RANBP2: variants seen among roughly 807,000 people sequenced by gnomAD.
RANBP2 encodes the protein RAN binding protein 2, also known as E3 SUMO-protein ligase RanBP2.
RANBP2 carries 57 observed loss-of-function variants against 303.6 expected under a neutral mutation model. The observed-to-expected ratio is 0.19, with a 90% confidence interval of 0.15 to 0.23. The LOEUF is 0.23. Ranked by LOEUF, RANBP2 falls within the 10% of genes least tolerant of loss-of-function variation. The pLI, the probability that RANBP2 is intolerant of heterozygous loss-of-function variation, is 1.00. For synonymous variants in RANBP2, 1,167 were observed against 1,301.5 expected, an observed-to-expected ratio of 0.90 and a Z score of 2.23; for missense variants, 3,138 against 3,780.8, an observed-to-expected ratio of 0.83 and a Z score of 4.46.
the RANBP2 span, among the ~76,000 whole-genome samples, chr2:109,584,321 CA>C: frequency 6.6e-6 from 1 of 150,846 alleles, no homozygotes; most frequent in Non-Finnish European, 1.5e-5. Flanking sequence ...ACTAAAAACA[CA>C]AAAAAAATTA....
the RANBP2 span, among the ~76,000 whole-genome samples, chr2:109,008,830 C>T: frequency 6.6e-6 from 1 of 150,578 alleles, no homozygotes; most frequent in African/African-American, 2.4e-5. Context: ...ACCCAGGAGA[C>T]GGAGCTTGCA....
chr2:109,371,948 T>A, the RANBP2 span, among the ~76,000 whole-genome samples: 1 of 152,152 alleles, frequency 6.6e-6, no homozygotes, highest in Non-Finnish European at 1.5e-5. Flanking sequence ...AGGGCCCCCT[T>A]GTGCACCTTC....
chr2:109,489,807 A>G, the RANBP2 span, among the ~76,000 whole-genome samples: 2 of 152,144 alleles, frequency 1.3e-5, no homozygotes, highest in African/African-American at 2.4e-5. Flanking sequence ...GCGCAATCTC[A>G]GCTCACTGCA....
At chr2:108,828,819 A>G in the RANBP2 span, among the ~76,000 whole-genome samples, 1 of 152,132 alleles carries the variant, frequency 6.6e-6, no homozygotes, top group Non-Finnish European at 1.5e-5. Context: ...TGTACTAAAA[A>G]TACCAAAAAT....
the RANBP2 span, among the ~76,000 whole-genome samples, chr2:109,034,380 G>A: frequency 2.0e-5 from 3 of 151,536 alleles, no homozygotes; most frequent in African/African-American, 7.3e-5. Context: ...GTCAATTTCA[G>A]TGGGAGGCCC....
intron 9 of RANBP2, among the ~76,000 whole-genome samples, chr2:108,749,839 C>T (rs1675715086): frequency 6.6e-6 from 1 of 152,150 alleles, no homozygotes; most frequent in African/African-American, 2.4e-5. Flanking sequence ...AGTGATCCTC[C>T]TACCTAAGCC....
Position 108,762,101 on chromosome 2 carries a change from T to G in RANBP2, c.2603T>G (p.Val868Gly). 6.3e-7 allele frequency: 1 copy of G among 1,596,770 alleles called. No individual in the cohort carries two copies. Among genetic ancestry groups the G allele is most frequent in the South Asian group, 1.1e-5 (1 of 90,930 alleles). ...SQTFHGAPLT[V>G]ATTGPSVYYS... is the part of the protein sequence containing the mutation. ...CTTTATTTTCTTTTTGTTTTTTTAG[T>G]TGCAACTACTGGCCCTTCAGTATAT... Residue 868 changes from valine (V) to glycine (G), a missense_variant and splice_region_variant, in exon 19 of 29, where the codon GTT (valine) becomes GGT (glycine). Val to Gly is a moderately radical substitution (Grantham distance 109). Coordinates refer to ENST00000283195, the MANE Select transcript of RANBP2 (RefSeq NM_006267.5).
the RANBP2 span, among the ~76,000 whole-genome samples, chr2:109,687,650 C>A: frequency 6.6e-6 from 1 of 152,194 alleles, no homozygotes; most frequent in African/African-American, 2.4e-5. Flanking sequence ...AAATCCACAC[C>A]TGCTCTGTAG....
rs1677255307 is a variant in RANBP2 at position 108,768,314 on chromosome 2, A to G, written c.7775A>G (p.Lys2592Arg). 4.3e-6 allele frequency: 7 copies of G among 1,611,916 alleles called. No homozygotes were observed. Among genetic ancestry groups the G allele is most frequent in the African/African-American group, 1.3e-5 (1 of 74,864 alleles). Residue 2592 changes from lysine (K) to arginine (R), a missense_variant, in exon 20 of 29, where the codon AAA (lysine) becomes AGA (arginine). Lys to Arg is a conservative substitution (Grantham distance 26, BLOSUM62 2). Coordinates refer to ENST00000283195, the MANE Select transcript of RANBP2 (RefSeq NM_006267.5). ...GATATCGAACAGTCTTCAGATAGCA[A>G]AGTCAAAAATCTCTTTGCTTCCTTT... is the stretch of plus-strand genomic sequence containing the variant. ...NSDIEQSSDS[K>R]VKNLFASFPT...
the RANBP2 span, among the ~76,000 whole-genome samples, chr2:109,359,547 A>T: frequency 2.8e-4 from 43 of 152,290 alleles, no homozygotes; most frequent in Middle Eastern, 6.8e-3. Context: ...TACCATTTAC[A>T]TTTATACCTA....
chr2:109,452,270 G>A, the RANBP2 span, among the ~76,000 whole-genome samples: 2 of 152,308 alleles, frequency 1.3e-5, no homozygotes, highest in African/African-American at 4.8e-5. Flanking sequence ...CTCCCTGCAG[G>A]CCGCTTCCTG....
chr2:108,900,619 C>G, the RANBP2 span, among the ~76,000 whole-genome samples: 11 of 151,162 alleles, frequency 7.3e-5, no homozygotes, highest in Non-Finnish European at 1.6e-4. Flanking sequence ...AAAGGTAGAG[C>G]TTGGTAGAGT....
the RANBP2 span, among the ~76,000 whole-genome samples, chr2:108,984,113 T>C: frequency 6.6e-6 from 1 of 152,194 alleles, no homozygotes; most frequent in Non-Finnish European, 1.5e-5. Flanking sequence ...ATAATTTTTC[T>C]CAGAATGGAT....
the RANBP2 span, among the ~76,000 whole-genome samples, chr2:109,231,972 A>T: frequency 6.6e-6 from 1 of 152,208 alleles, no homozygotes; most frequent in Admixed American, 6.5e-5. Context: ...ACATTGTAGA[A>T]TATTTTATCC....
chr2:109,698,224 T>C, the RANBP2 span, among the ~76,000 whole-genome samples: 1 of 152,098 alleles, frequency 6.6e-6, no homozygotes, highest in Non-Finnish European at 1.5e-5. Context: ...CAGTGTTTAA[T>C]CTGCTGTTAA....
At position 108,764,758 on chromosome 2, in the gene RANBP2, C is replaced by A; in HGVS notation, c.4219C>A (p.Arg1407=). ...PKTSPENVQD[R]FALVTPKKEG... ...AACCAGCCCAGAGAATGTTCAAGAT[C>A]GATTTGCATTGGTGACTCCAAAGAA... The change falls in exon 20 of 29, where the codon CGA becomes AGA. Residue 1407 remains arginine (R), a synonymous_variant. Coordinates refer to ENST00000283195, the MANE Select transcript of RANBP2 (RefSeq NM_006267.5). 6.2e-7 allele frequency: 1 copy of A among 1,613,924 alleles called. No homozygotes were observed. The highest frequency in any genetic ancestry group is 2.2e-5 in the East Asian group (1 of 44,874).
the RANBP2 span, among the ~76,000 whole-genome samples, chr2:109,635,347 T>A: frequency 6.6e-6 from 1 of 152,208 alleles, no homozygotes; most frequent in Non-Finnish European, 1.5e-5. Flanking sequence ...AATGCCCGAC[T>A]AATTATTGTA....
chr2:109,696,528 C>T, the RANBP2 span, among the ~76,000 whole-genome samples: 1 of 152,142 alleles, frequency 6.6e-6, no homozygotes, highest in Non-Finnish European at 1.5e-5. Context: ...ACTCTAATGC[C>T]ATTCCTAAAG....
At chr2:109,341,290 ACTT>A in the RANBP2 span, among the ~76,000 whole-genome samples, 3 of 152,192 alleles carry the variant, frequency 2.0e-5, no homozygotes, top group African/African-American at 7.2e-5. Context: ...ACAGTAACAA[ACTT>A]CTTCATCGCG....
Sources: allele counts gnomAD v4.1 joint callset (sites outside exome capture counted in the v4.1 genomes callset), GRCh38; gene constraint gnomAD v4.1.1; transcripts MANE v1.5; gene names NCBI Gene and HGNC (gene_info 2026-07-23, HGNC 2026-07-21).